RPS6KA3: variants seen among roughly 807,000 people sequenced by gnomAD.
RPS6KA3 encodes ribosomal protein S6 kinase A3, also known as ribosomal protein S6 kinase alpha-3.
RPS6KA3 carries 4 observed loss-of-function variants against 67.2 expected under a neutral mutation model. The ratio of observed to expected loss-of-function variants is 0.06; its 90% CI spans 0.03 to 0.14. The LOEUF (loss-of-function observed/expected upper bound fraction) is 0.14, where lower values mean the gene tolerates loss of function less well. RPS6KA3 is among the 10% of genes least tolerant of loss of function. RPS6KA3 has a pLI of 1.00. For synonymous variants in RPS6KA3, 182 were observed against 183.7 expected, an observed-to-expected ratio of 0.99 and a Z score of 0.07; for missense variants, 204 against 559.0, an observed-to-expected ratio of 0.36 and a Z score of 6.40.
At chrX:20,194,624 C>T (rs993418977) in intron 5 of RPS6KA3, among the ~76,000 whole-genome samples, 2 of 111,104 alleles carry the variant, frequency 1.8e-5, no homozygotes, top group East Asian at 5.6e-4. Flanking sequence ...GGTTTAATTA[C>T]ACATAGTAAG....
chrX:20,187,451 G>A (rs1181337015), intron 9 of RPS6KA3, among the ~76,000 whole-genome samples: 2 of 111,232 alleles, frequency 1.8e-5, no homozygotes, highest in African/African-American at 3.3e-5. Context: ...TGATCTACCC[G>A]CCTCAGCCTC....
intron 1 of RPS6KA3, among the ~76,000 whole-genome samples, chrX:20,251,548 T>C (rs773108098): frequency 8.8e-6 from 1 of 113,159 alleles, no homozygotes; most frequent in East Asian, 2.8e-4. Flanking sequence ...GCATGAGTTG[T>C]TCCCTATAGG....
intron 2 of RPS6KA3, among the ~76,000 whole-genome samples, chrX:20,223,144 T>C (rs376021979): frequency 2.7e-5 from 3 of 111,986 alleles, no homozygotes; most frequent in East Asian, 5.5e-4. Context: ...GAAAAATCCA[T>C]TGTTTTAGTA....
At chrX:20,266,457 C>G (rs2070388318) in intron 1 of RPS6KA3, 107 bp downstream of exon 1, 1 of 650,435 alleles carries the variant, frequency 1.5e-6, no homozygotes, top group East Asian at 4.0e-5. Flanking sequence ...GGGGGAAAGA[C>G]GCGAGCGGGA....
intron 4 of RPS6KA3, among the ~76,000 whole-genome samples, chrX:20,198,330 T>C (rs1183890205): frequency 8.9e-6 from 1 of 112,102 alleles, no homozygotes; most frequent in African/African-American, 3.2e-5. Context: ...CAAATTCTTG[T>C]CATTGAAATC....
At chrX:20,190,361 A>AT (rs2068091917) in intron 7 of RPS6KA3, among the ~76,000 whole-genome samples, 1 of 112,128 alleles carries the variant, frequency 8.9e-6, no homozygotes, top group Admixed American at 9.5e-5. Context: ...GTATGATGGT[A>AT]TTTACTTGTA....
intron 2 of RPS6KA3, among the ~76,000 whole-genome samples, chrX:20,214,838 TTTC>T (rs2068806927): frequency 9.4e-6 from 1 of 106,262 alleles, no homozygotes; most frequent in African/African-American, 3.6e-5. Context: ...TTTTTCTTTT[TTTC>T]TTTTTTTTTT....
At chrX:20,170,719 C>T (rs2067551638) in intron 15 of RPS6KA3, among the ~76,000 whole-genome samples, 1 of 109,678 alleles carries the variant, frequency 9.1e-6, no homozygotes, top group Admixed American at 9.9e-5. Context: ...CCAAGTGATC[C>T]TCCCACCTCT....
intron 2 of RPS6KA3, among the ~76,000 whole-genome samples, chrX:20,225,835 G>C (rs2069106624): frequency 8.9e-6 from 1 of 111,872 alleles, no homozygotes; most frequent in Non-Finnish European, 1.9e-5. Context: ...GACAGGAAAA[G>C]GCTGAACCTT....
At chrX:20,184,507 G>A (rs1371220499) in intron 10 of RPS6KA3, among the ~76,000 whole-genome samples, 1 of 107,111 alleles carries the variant, frequency 9.3e-6, no homozygotes, top group Admixed American at 1.0e-4. Flanking sequence ...CCAGGCTCAA[G>A]TGATCCTCTC....
At chrX:20,248,935 AAC>A (rs1431672311) in intron 1 of RPS6KA3, among the ~76,000 whole-genome samples, 1 of 111,596 alleles carries the variant, frequency 9.0e-6, no homozygotes, top group Non-Finnish European at 1.9e-5. Context: ...AAAGATACCG[AAC>A]AGTTTATTGC....
chrX:20,162,829 A>G, intron 19 of RPS6KA3, 135 bp downstream of exon 19: 1 of 529,566 alleles, frequency 1.9e-6, no homozygotes, highest in Non-Finnish European at 3.4e-6. Context: ...CCTGGGCAAC[A>G]GAGTGAGACC....
chrX:20,213,520 T>A lies in RPS6KA3; in HGVS notation c.127-4116A>T, dbSNP rs1347178503. Reference sequence around the variant, plus strand: ...CAAAAGGAGGCTAATAGTGCCCATATATTCTTCCTCTTAAACTTCTTCCCA... The same window carrying A: ...CAAAAGGAGGCTAATAGTGCCCATAAATTCTTCCTCTTAAACTTCTTCCCA... On this transcript the variant is annotated intron_variant, in intron 2 of 21. Transcript: ENST00000379565. 5.4e-5 allele frequency among the ~76,000 whole-genome samples: 6 copies of A among 111,404 alleles called. No homozygotes were observed. The Admixed American group carries it at 5.7e-4, about 11-fold the overall frequency.
chrX:20,176,904 TTAA>T, intron 11 of RPS6KA3, 89 bp downstream of exon 11: 1 of 700,982 alleles, frequency 1.4e-6, no homozygotes, highest in Non-Finnish European at 2.3e-6. Flanking sequence ...GTCTAAATAG[TTAA>T]TAATTCCACC....
At chrX:20,208,747 G>T (rs1428737597) in intron 3 of RPS6KA3, among the ~76,000 whole-genome samples, 3 of 111,398 alleles carry the variant, frequency 2.7e-5, no homozygotes, top group Non-Finnish European at 5.7e-5. Flanking sequence ...TGGTGGCTTT[G>T]GGAAACATTT....
intron 7 of RPS6KA3, among the ~76,000 whole-genome samples, chrX:20,188,864 C>A (rs1230325822): frequency 8.9e-6 from 1 of 112,660 alleles, no homozygotes; most frequent in African/African-American, 3.2e-5. Flanking sequence ...CTAGTGCCTG[C>A]ATTAATAGAC....
chrX:20,237,856 A>T (rs748684144), intron 1 of RPS6KA3, among the ~76,000 whole-genome samples: 1 of 111,352 alleles, frequency 9.0e-6, no homozygotes, highest in African/African-American at 3.3e-5. Context: ...CTCCATTCTT[A>T]CTTACGCTTC....
intron 2 of RPS6KA3, among the ~76,000 whole-genome samples, chrX:20,211,562 A>C (rs920929833): frequency 9.0e-6 from 1 of 110,663 alleles, no homozygotes; most frequent in East Asian, 2.8e-4. Flanking sequence ...AAAAAAAAAA[A>C]CCAAAACAAC....
chrX:20,150,246 G>A lies in RPS6KA3; in HGVS notation c.*5152C>T, dbSNP rs1312459482. 8.8e-6 allele frequency: 1 copy of A among 113,141 alleles called. No individual in the cohort carries two copies. Among genetic ancestry groups the A allele is most frequent in the African/African-American group, 3.2e-5 (1 of 31,130 alleles). 9.3% of individuals were successfully genotyped at this position (113,141 alleles called of 1,213,427 possible). ...TGGGCTTCTGGCATGCCTTACTAGA[G>A]AGAAACTAGTATAAAGGAAGATCAT... On this transcript the variant is annotated 3_prime_UTR_variant, in exon 22 of 22. Transcript: ENST00000379565.
Sources: gnomAD v4.1 joint callset for allele counts (sites outside exome capture counted in the v4.1 genomes callset) on GRCh38, gnomAD v4.1.1 for gene constraint, MANE v1.5 for transcripts, NCBI Gene and HGNC (gene_info 2026-07-23, HGNC 2026-07-21) for gene names.